The following FAM193A variants were observed in gnomAD, a reference collection of about 807,000 sequenced individuals.
The protein encoded by FAM193A is family with sequence similarity 193 member A, also known as protein FAM193A.
FAM193A carries 22 observed loss-of-function variants against 126.5 expected under a neutral mutation model. That is an observed-to-expected ratio of 0.17 (90% CI 0.12 to 0.25). The LOEUF (loss-of-function observed/expected upper bound fraction) is 0.25, where lower values mean the gene tolerates loss of function less well. FAM193A is among the 10% of genes least tolerant of loss of function. The pLI is 1.00. For missense variants in FAM193A, 1,675 were observed against 1,672.8 expected (o/e 1.00, Z -0.02); for synonymous variants, 761 against 646.8 (o/e 1.18, Z -2.68).
At chr4:2,637,713 C>A (rs1573655) in intron 5 of FAM193A, among the ~76,000 whole-genome samples, 2 of 152,014 alleles carry the variant, frequency 1.3e-5, no homozygotes, top group Non-Finnish European at 2.9e-5. Context: ...CCTGCATGCC[C>A]CGGTCCAGTT....
At chr4:2,625,429 G>C in intron 3 of FAM193A, 34 bp downstream of exon 3, 1 of 680,192 alleles carries the variant, frequency 1.5e-6, no homozygotes, top group South Asian at 1.5e-5. Context: ...GCTCACACCT[G>C]TCCACAATGA....
At chr4:2,712,151 G>C (rs1170627289) in intron 19 of FAM193A, among the ~76,000 whole-genome samples, 1 of 152,078 alleles carries the variant, frequency 6.6e-6, no homozygotes, top group Non-Finnish European at 1.5e-5. Context: ...GTACTTGATA[G>C]AAGTGTATTT....
At chr4:2,626,234 C>T (rs988433614) in intron 3 of FAM193A, among the ~76,000 whole-genome samples, 176 bp from the exon 4 acceptor site, 1 of 152,116 alleles carries the variant, frequency 6.6e-6, no homozygotes, top group African/African-American at 2.4e-5. Context: ...GCAGAGTGCA[C>T]CCTAGGAGCT....
At chr4:2,545,744 T>C (rs1273353648) in intron 1 of FAM193A, among the ~76,000 whole-genome samples, 2 of 152,232 alleles carry the variant, frequency 1.3e-5, no homozygotes, top group African/African-American at 4.8e-5. Flanking sequence ...TGCAGTGTTA[T>C]GACAATGGCT....
At chr4:2,598,929 C>G (rs1741030794) in intron 2 of FAM193A, among the ~76,000 whole-genome samples, 1 of 152,222 alleles carries the variant, frequency 6.6e-6, no homozygotes, top group Non-Finnish European at 1.5e-5. Flanking sequence ...TTGGGGGCAG[C>G]TTTCCCAGCG....
At chr4:2,536,015 G>T (rs1736851844), upstream of FAM193A, among the ~76,000 whole-genome samples, 1 of 152,232 alleles carries the variant, frequency 6.6e-6, no homozygotes, top group East Asian at 1.9e-4. Context: ...GGATTCTGTG[G>T]TCCTCACTGA....
At chr4:2,565,219 G>T (rs1738864921) in intron 1 of FAM193A, among the ~76,000 whole-genome samples, 1 of 141,586 alleles carries the variant, frequency 7.1e-6, no homozygotes, top group African/African-American at 2.6e-5. Flanking sequence ...ACAAGGTTTT[G>T]TGGGAAAACT....
At chr4:2,547,701 C>T (rs949676428) in intron 1 of FAM193A, among the ~76,000 whole-genome samples, 1 of 151,792 alleles carries the variant, frequency 6.6e-6, no homozygotes, top group African/African-American at 2.4e-5. Context: ...TCTTGGCTCC[C>T]TGCAACGTCT....
intron 13 of FAM193A, among the ~76,000 whole-genome samples, chr4:2,683,225 C>A (rs1057253004): frequency 5.3e-5 from 8 of 151,598 alleles, no homozygotes; most frequent in Admixed American, 3.9e-4. Context: ...TTTTCGAATT[C>A]TTTTCCCTGT....
At chr4:2,616,085 C>A (rs1339937824) in intron 2 of FAM193A, among the ~76,000 whole-genome samples, 2 of 152,202 alleles carry the variant, frequency 1.3e-5, no homozygotes, top group Admixed American at 6.5e-5. Flanking sequence ...AAGGCTTGAG[C>A]CACCGCGCCC....
chr4:2,567,792 A>G (rs1480140421), intron 1 of FAM193A, among the ~76,000 whole-genome samples: 1 of 152,020 alleles, frequency 6.6e-6, no homozygotes, highest in Non-Finnish European at 1.5e-5. Flanking sequence ...ATGTGTGCTC[A>G]GGCCTTACTG....
chr4:2,651,559 A>G lies in FAM193A; in HGVS notation c.1311+4727A>G, dbSNP rs562138660. 4.6e-5 allele frequency among the ~76,000 whole-genome samples: 7 copies of G among 152,320 alleles called. No individual in the cohort carries two copies. In the South Asian group the frequency reaches 1.0e-3, roughly 23 times the overall value. ...TCACATCTTGTGAGAACTCGCTATC[A>G]TGAGAACAGCATGGGGGAAATCCGC... On this transcript the variant is annotated intron_variant, in intron 7 of 20. Transcript: ENST00000637812.
intron 7 of FAM193A, among the ~76,000 whole-genome samples, chr4:2,647,435 C>T (rs1464063818): frequency 6.6e-6 from 1 of 152,012 alleles, no homozygotes; most frequent in Non-Finnish European, 1.5e-5. Context: ...AGTGAGCCAC[C>T]ACGCCTGGTC....
chr4:2,723,006 G>T (rs1720326863), intron 20 of FAM193A, among the ~76,000 whole-genome samples: 1 of 152,176 alleles, frequency 6.6e-6, no homozygotes, highest in Non-Finnish European at 1.5e-5. Context: ...GGGCGCAGTG[G>T]CTCGCACCTG....
Position 2,608,277 on chromosome 4 carries a change from C to G in FAM193A, c.501+11948C>G, listed in dbSNP as rs534767184. On this transcript the variant is annotated intron_variant, in intron 2 of 20. Coordinates refer to ENST00000637812, the MANE Select transcript of FAM193A (RefSeq NM_001366318.2). ...CTCTGCAGCCTTCACCTCCTGTGTT[C>G]AAGCAACCCTTCTGCCTCAGTCTCC... The G allele has an allele frequency of 7.7e-6, 5 of 648,370 alleles. No individual in the cohort carries two copies. In the South Asian group the frequency reaches 1.0e-4, roughly 13 times the overall value. 40.2% of individuals were successfully genotyped at this position (648,370 alleles called of 1,614,324 possible).
At chr4:2,702,514 A>G (rs983717589) in intron 19 of FAM193A, among the ~76,000 whole-genome samples, 4 of 152,176 alleles carry the variant, frequency 2.6e-5, no homozygotes, top group Non-Finnish European at 5.9e-5. Flanking sequence ...CAGTCAGCAG[A>G]GCAGGAGGAG....
rs1222091046 is a variant in FAM193A, at chr4:2,629,229, A to AAG, written c.804-1705_804-1704insGA. ...AAATACAGAAATAGACAAAAAAAAAAAAGAGATCTAAGTCCGACATGCTAA... is the reference window on the plus strand; with the variant it reads ...AAATACAGAAATAGACAAAAAAAAAAAGAAGAGATCTAAGTCCGACATGCTAA... On this transcript the variant is annotated intron_variant, in intron 4 of 20. Coordinates refer to ENST00000637812, the MANE Select transcript of FAM193A (RefSeq NM_001366318.2). Among the ~76,000 whole-genome samples the AAG allele has an allele frequency of 5.9e-5, 9 of 152,226 alleles. 1 individual carries two copies. In the South Asian group the frequency reaches 1.9e-3, roughly 32 times the overall value.
rs141460218 is a variant in FAM193A at position 2,637,098 on chromosome 4, G to C, written c.1039-2637G>C. ...TCCCAGCACTTTGGGAGGCCAAGGT[G>C]GGTGGATTACTTGAGCCCAGGAGTT... On this transcript the variant is annotated intron_variant, in intron 5 of 20. Coordinates refer to ENST00000637812, the MANE Select transcript of FAM193A (RefSeq NM_001366318.2). 9.4e-3 allele frequency among the ~76,000 whole-genome samples: 1,438 copies of C among 152,290 alleles called. 10 individuals carry two copies. The highest frequency in any genetic ancestry group is 0.014 in the Non-Finnish European group (931 of 68,016).
chr4:2,702,090 A>T (rs139243404), intron 19 of FAM193A, among the ~76,000 whole-genome samples: 1 of 152,092 alleles, frequency 6.6e-6, no homozygotes, highest in Admixed American at 6.6e-5. Flanking sequence ...GAATTTTCTA[A>T]TATTATTCTT....
Sources: allele counts gnomAD v4.1 joint callset (sites outside exome capture counted in the v4.1 genomes callset), GRCh38; gene constraint gnomAD v4.1.1; transcripts MANE v1.5; gene names NCBI Gene and HGNC (gene_info 2026-07-23, HGNC 2026-07-21).